Variants in SPATA21 observed in about 807,000 individuals in gnomAD.
The protein encoded by SPATA21 is spermatogenesis associated 21.
In SPATA21, 47 loss-of-function variants were observed where a neutral mutation model predicts 54.8. That is an observed-to-expected ratio of 0.86 (90% confidence interval 0.68 to 1.09). SPATA21 has a LOEUF of 1.09. Among genes scored for constraint, SPATA21 ranks in the 50% least tolerant of loss-of-function variants. The pLI is 0.00. For missense variants in SPATA21, 599 were observed against 596.4 expected, an observed-to-expected ratio of 1.00 and a Z score of -0.05; for synonymous variants, 245 against 235.3, an observed-to-expected ratio of 1.04 and a Z score of -0.38.
chr1:16,427,127 A>G (rs565252377), intron 3 of SPATA21, among the ~76,000 whole-genome samples: 102 of 152,132 alleles, frequency 6.7e-4, no homozygotes, highest in Non-Finnish European at 1.3e-3. Flanking sequence ...TTATTTCCTC[A>G]TGGCCTATTT....
intron 3 of SPATA21, chr1:16,427,891 T>C (rs940960024): frequency 9.7e-6 from 15 of 1,549,738 alleles, no homozygotes; most frequent in Non-Finnish European, 1.3e-5. Context: ...CCCCTGCTCC[T>C]GGATTCTGAG....
intron 5 of SPATA21, among the ~76,000 whole-genome samples, chr1:16,416,032 T>A (rs2085996626): frequency 6.6e-6 from 1 of 152,078 alleles, no homozygotes; most frequent in Admixed American, 6.6e-5. Flanking sequence ...TGGCACCAGG[T>A]GTCCTGAACA....
At chr1:16,398,024 T>G, downstream of SPATA21, 1 of 886,678 alleles carries the variant, frequency 1.1e-6, no homozygotes, top group South Asian at 5.2e-5. Flanking sequence ...ACCCCTGCAG[T>G]CTTACTCTGC....
Position 16,399,522 on chromosome 1 carries a change from C to T in SPATA21, c.1175-1G>A, listed in dbSNP as rs1050114565. The T allele has an allele frequency of 6.2e-7, 1 of 1,611,914 alleles. No homozygotes were observed. The highest frequency in any genetic ancestry group is 1.7e-5 in the Admixed American group (1 of 59,598). ...GCATAGGGGCTCTGCAGGTTGGGAG[C>T]TGGTGAAGAAGGAGGCAGAAGGAGG... On this transcript the variant is annotated splice_acceptor_variant, in intron 11 of 12. Transcript: ENST00000335496. LOFTEE classifies it high-confidence loss of function.
intron 5 of SPATA21, among the ~76,000 whole-genome samples, chr1:16,412,402 G>T (rs544542448): frequency 5.3e-5 from 8 of 152,262 alleles, no homozygotes; most frequent in African/African-American, 1.9e-4. Context: ...CCCAGACCTA[G>T]AGTCCTTTTA....
chr1:16,408,611 G>A lies in SPATA21; in HGVS notation c.673+507C>T, dbSNP rs983536030. The A allele has an allele frequency of 5.0e-5, 42 of 835,162 alleles. 1 individual carries two copies. In the South Asian group the frequency reaches 2.1e-3, roughly 42 times the overall value. The allele number at this position is 835,162 out of a possible 1,614,324, so 51.7% of individuals were successfully genotyped here. A position where few individuals can be genotyped will look rare whatever the true frequency, so the allele number is the denominator to read the frequency against. On this transcript the variant is annotated intron_variant, in intron 7 of 12. Coordinates refer to ENST00000335496, the MANE Select transcript of SPATA21 (RefSeq NM_198546.1). ...CACGAGGCTGGGCGCGGTGGCTCAC[G>A]CCTGTAATTCCAGACTTTGGGAGGC... is the stretch of plus-strand genomic sequence containing the variant.
chr1:16,425,703 C>T (rs201289901), intron 3 of SPATA21: 4 of 1,549,652 alleles, frequency 2.6e-6, no homozygotes, highest in East Asian at 4.9e-5. Context: ...TGGGACCCTT[C>T]CTGGGGGACC....
downstream of SPATA21, chr1:16,397,435 G>A (rs1309750904): frequency 1.3e-5 from 2 of 152,236 alleles, no homozygotes; most frequent in South Asian, 2.1e-4. This position sits in a 1 kb window ranked among gnomAD's most constrained non-coding sequence, Gnocchi z 5.4. Context: ...GTATTTTTTG[G>A]GGGTAGTTGT....
rs1008835737 is a variant in SPATA21 at position 16,428,856 on chromosome 1, C to T, written c.34+2482G>A. ...GATGTGAGCTAATACTAACAGGCAC[C>T]TACTATGAGACAGGGCCTGTGCTAG... On this transcript the variant is annotated intron_variant, in intron 3 of 12. Transcript: ENST00000335496. This position sits in a 1 kb window ranked among gnomAD's most constrained non-coding sequence, Gnocchi z 4.3. 2.0e-5 allele frequency among the ~76,000 whole-genome samples: 3 copies of T among 152,198 alleles called. No individual in the cohort carries two copies. Among genetic ancestry groups the T allele is most frequent in the African/African-American group, 7.2e-5 (3 of 41,440 alleles).
intron 3 of SPATA21, among the ~76,000 whole-genome samples, chr1:16,429,720 C>T (rs1039180396): frequency 4.6e-5 from 7 of 151,082 alleles, no homozygotes; most frequent in Middle Eastern, 3.4e-3. Context: ...GTGATCCACC[C>T]GCCTCGGCCT....
chr1:16,407,694 G>T (rs1351857717), intron 7 of SPATA21, among the ~76,000 whole-genome samples: 1 of 151,950 alleles, frequency 6.6e-6, no homozygotes, highest in Non-Finnish European at 1.5e-5. Context: ...TCCTGACCTC[G>T]TGATCCACCC....
intron 3 of SPATA21, among the ~76,000 whole-genome samples, chr1:16,426,816 G>A (rs1454175513): frequency 6.6e-6 from 1 of 151,872 alleles, no homozygotes; most frequent in African/African-American, 2.4e-5. Flanking sequence ...CTGACCTCAG[G>A]TAATCCACCT....
At chr1:16,425,830 C>T (rs970689926) in intron 3 of SPATA21, 3 of 1,002,372 alleles carry the variant, frequency 3.0e-6, no homozygotes, top group Non-Finnish European at 1.4e-6. Context: ...ATAGCTAACG[C>T]CTGGAAGGAC....
rs747608439 is a variant in SPATA21, at chr1:16,403,771, T to C, written c.957A>G (p.Val319=). The change falls in exon 10 of 13, where the codon GTA becomes GTG. Residue 319 remains valine, a synonymous_variant. Transcript: ENST00000335496. ...TLLFEILSLL[V]EMLALPEAVL... ...CTGCCTCTGGTAAGGCCAGCATCTCTACCAGCAGGGACAGGATCTCAAAGA... is the reference window on the plus strand; with the variant it reads ...CTGCCTCTGGTAAGGCCAGCATCTCCACCAGCAGGGACAGGATCTCAAAGA... 1.2e-6 allele frequency: 2 copies of C among 1,614,004 alleles called. No individual in the cohort carries two copies. Among genetic ancestry groups the C allele is most frequent in the South Asian group, 1.1e-5 (1 of 91,048 alleles).
chr1:16,406,031 A>G (rs904146596), intron 7 of SPATA21, among the ~76,000 whole-genome samples: 10 of 152,154 alleles, frequency 6.6e-5, no homozygotes, highest in Admixed American at 3.3e-4. Flanking sequence ...GCTACTAATT[A>G]GCTGAGCTGT....
chr1:16,422,436 A>G (rs1357343877), intron 3 of SPATA21, among the ~76,000 whole-genome samples: 1 of 151,994 alleles, frequency 6.6e-6, no homozygotes, highest in East Asian at 1.9e-4. Context: ...ACACTTCCCT[A>G]TGGGAGTGGA....
chr1:16,409,483 GGA>G lies in SPATA21; in HGVS notation c.587+116_587+117del, dbSNP rs1167368371. On this transcript the variant is annotated intron_variant, in intron 6 of 12. Coordinates refer to ENST00000335496, the MANE Select transcript of SPATA21 (RefSeq NM_198546.1). This position sits in a 1 kb window ranked among gnomAD's most constrained non-coding sequence, Gnocchi z 4.1. ...GGAGAGGAGACACATGAGGAGAAATGGAGAGAGGGGGACACACGAGGGAACAG... is the reference window on the plus strand; with the variant it reads ...GGAGAGGAGACACATGAGGAGAAATGGAGAGGGGGACACACGAGGGAACAG... 3.3e-5 allele frequency: 36 copies of G among 1,091,540 alleles called. No homozygotes were observed. The highest frequency in any genetic ancestry group is 1.9e-4 in the Admixed American group (8 of 42,406). 67.6% of individuals were successfully genotyped at this position (1,091,540 alleles called of 1,614,324 possible).
At chr1:16,420,992 G>A (rs916575961) in intron 5 of SPATA21, among the ~76,000 whole-genome samples, 5 of 152,122 alleles carry the variant, frequency 3.3e-5, no homozygotes, top group African/African-American at 1.2e-4. Context: ...AGCCAGGGTG[G>A]GGTTTTGCCA....
chr1:16,420,940 C>T lies in SPATA21; in HGVS notation c.144+569G>A, dbSNP rs189506774. On this transcript the variant is annotated intron_variant, in intron 5 of 12. Transcript: ENST00000335496. ...TCAATAAGACAGGATGTTCTCCAACCGCATTAAGCTGCTCAACATGGGTAC... is the reference window on the plus strand; with the variant it reads ...TCAATAAGACAGGATGTTCTCCAACTGCATTAAGCTGCTCAACATGGGTAC... Among the ~76,000 whole-genome samples, 35 of 152,222 alleles carry T rather than the reference C, an allele frequency of 2.3e-4. No homozygotes were observed. The East Asian group carries it at 6.6e-3, about 29-fold the overall frequency.
Sources: allele counts gnomAD v4.1 joint callset (sites outside exome capture counted in the v4.1 genomes callset), GRCh38; gene constraint gnomAD v4.1.1; non-coding constraint Gnocchi (gnomAD v3.1); transcripts MANE v1.5; gene names NCBI Gene and HGNC (gene_info 2026-07-23, HGNC 2026-07-21).